RUNDC3B: variants seen among roughly 807,000 people sequenced by gnomAD.
RUNDC3B encodes RUN domain containing 3B.
RUNDC3B carries 33 observed loss-of-function variants against 58.4 expected under a neutral mutation model. The ratio of observed to expected loss-of-function variants is 0.56; its 90% confidence interval spans 0.43 to 0.75. RUNDC3B has a LOEUF of 0.75. Ranked by LOEUF, RUNDC3B falls within the 30% of genes least tolerant of loss-of-function variation. The pLI is 0.00. For missense variants in RUNDC3B, 501 were observed against 535.7 expected, an observed-to-expected ratio of 0.94 and a Z score of 0.64; for synonymous variants, 193 against 195.2, an observed-to-expected ratio of 0.99 and a Z score of 0.10.
intron 2 of RUNDC3B, among the ~76,000 whole-genome samples, chr7:87,694,357 C>T (rs1828301910): frequency 6.6e-6 from 1 of 152,062 alleles, no homozygotes; most frequent in Non-Finnish European, 1.5e-5. Context: ...TTCCTTTCTC[C>T]CAGGTAGAAT....
chr7:87,643,827 A>G (rs1191787102), intron 1 of RUNDC3B, among the ~76,000 whole-genome samples: 1 of 149,820 alleles, frequency 6.7e-6, no homozygotes, highest in Admixed American at 6.6e-5. Flanking sequence ...ACGCCCGGCC[A>G]AGAATTCGCA....
chr7:87,820,019 G>A (rs1837322273), intron 10 of RUNDC3B, among the ~76,000 whole-genome samples: 1 of 151,978 alleles, frequency 6.6e-6, no homozygotes, highest in African/African-American at 2.4e-5. Context: ...CTAGCAGAAG[G>A]TAAGAAATAA....
intron 2 of RUNDC3B, among the ~76,000 whole-genome samples, chr7:87,666,919 T>C (rs1452316908): frequency 1.3e-5 from 2 of 152,112 alleles, no homozygotes; most frequent in African/African-American, 4.8e-5. Flanking sequence ...AGTCAGGTAA[T>C]GTGATGCCTC....
intron 3 of RUNDC3B, among the ~76,000 whole-genome samples, chr7:87,702,074 C>G (rs1409997347): frequency 3.2e-5 from 4 of 123,286 alleles, no homozygotes; most frequent in African/African-American, 1.2e-4. Context: ...ACCCAGGAGG[C>G]GGAGCTTGCA....
intron 6 of RUNDC3B, among the ~76,000 whole-genome samples, chr7:87,769,126 A>G (rs531615471): frequency 8.0e-5 from 12 of 150,468 alleles, no homozygotes; most frequent in Admixed American, 3.3e-4. Flanking sequence ...TCAGCCTCCC[A>G]TGTAGCTGGG....
chr7:87,790,318 T>C (rs746768188), intron 8 of RUNDC3B, among the ~76,000 whole-genome samples: 4 of 152,186 alleles, frequency 2.6e-5, no homozygotes, highest in Non-Finnish European at 5.9e-5. Flanking sequence ...CACAGTGTTA[T>C]TGGGCTTGGG....
At chr7:87,803,090 G>A (rs1314463371) in intron 8 of RUNDC3B, among the ~76,000 whole-genome samples, 1 of 152,114 alleles carries the variant, frequency 6.6e-6, no homozygotes, top group African/African-American at 2.4e-5. Flanking sequence ...TTTATACATA[G>A]TTATGAATTA....
chr7:87,742,472 T>G (rs1479733161), intron 6 of RUNDC3B, among the ~76,000 whole-genome samples: 3 of 152,172 alleles, frequency 2.0e-5, no homozygotes, highest in Non-Finnish European at 4.4e-5. Context: ...TTTCCATTCC[T>G]GAGTTACTTC....
intron 8 of RUNDC3B, among the ~76,000 whole-genome samples, chr7:87,792,157 G>A (rs1056221628): frequency 6.6e-6 from 1 of 151,974 alleles, no homozygotes; most frequent in Non-Finnish European, 1.5e-5. Context: ...TTCAGTAGGG[G>A]GCTATAATAT....
chr7:87,829,561 A>G (rs896353184), intron 10 of RUNDC3B, among the ~76,000 whole-genome samples: 1 of 151,954 alleles, frequency 6.6e-6, no homozygotes, highest in African/African-American at 2.4e-5. Context: ...TTGTGTCTGT[A>G]TAACAGCACC....
chr7:87,777,178 A>C (rs1285345488), intron 7 of RUNDC3B, among the ~76,000 whole-genome samples: 1 of 152,174 alleles, frequency 6.6e-6, no homozygotes, highest in Non-Finnish European at 1.5e-5. Context: ...AATAGCTAGT[A>C]ATTATACATT....
At chr7:87,782,577 A>T (rs898466310) in intron 8 of RUNDC3B, among the ~76,000 whole-genome samples, 1 of 152,006 alleles carries the variant, frequency 6.6e-6, no homozygotes, top group Non-Finnish European at 1.5e-5. Context: ...TTGATTTAAG[A>T]TCTTTCTAAC....
intron 4 of RUNDC3B, among the ~76,000 whole-genome samples, chr7:87,717,611 A>G (rs1363006920): frequency 1.3e-5 from 2 of 152,060 alleles, no homozygotes; most frequent in Admixed American, 6.6e-5. Context: ...ACAGAAATAT[A>G]ATTTGCCCAA....
rs1837313946 is a variant in RUNDC3B at position 87,819,872 on chromosome 7, G to C, written c.1225+3610G>C. On this transcript the variant is annotated intron_variant, in intron 10 of 10. Transcript: ENST00000394654. ...AAGACCCAACATACCAGAATCTCTG[G>C]GACACATTCAAAGCAGTGTGTAGAG... Among the ~76,000 whole-genome samples the C allele has an allele frequency of 2.0e-5, 3 of 151,766 alleles. No homozygotes were observed. The South Asian group carries it at 6.3e-4, about 32-fold the overall frequency.
chr7:87,694,854 A>G (rs970162168), intron 2 of RUNDC3B, among the ~76,000 whole-genome samples: 5 of 152,116 alleles, frequency 3.3e-5, no homozygotes, highest in African/African-American at 4.8e-5. Flanking sequence ...TTTTTGCTGA[A>G]CCTGTTCATC....
chr7:87,742,674 A>C (rs768227687), intron 6 of RUNDC3B, among the ~76,000 whole-genome samples: 9 of 152,146 alleles, frequency 5.9e-5, no homozygotes, highest in Non-Finnish European at 1.0e-4. Context: ...ATAATTTATC[A>C]TGCATTCTTG....
chr7:87,639,768 T>A (rs1247652147), intron 1 of RUNDC3B, among the ~76,000 whole-genome samples: 2 of 152,078 alleles, frequency 1.3e-5, no homozygotes, highest in East Asian at 3.9e-4. Flanking sequence ...TTACTTTTGC[T>A]CTTTCTGGGC....
chr7:87,750,049 T>C (rs1191331916), intron 6 of RUNDC3B, among the ~76,000 whole-genome samples: 1 of 150,824 alleles, frequency 6.6e-6, no homozygotes, highest in African/African-American at 2.4e-5. Flanking sequence ...CCACAACAGG[T>C]CCCAGAGTGT....
At chr7:87,659,357 A>G (rs1186540232) in intron 2 of RUNDC3B, 4 of 278,176 alleles carry the variant, frequency 1.4e-5, no homozygotes, top group South Asian at 1.0e-4. Flanking sequence ...ATTTTTATTT[A>G]TATTGTTTTT....
Sources: allele counts gnomAD v4.1 joint callset (sites outside exome capture counted in the v4.1 genomes callset), GRCh38; gene constraint gnomAD v4.1.1; transcripts MANE v1.5; gene names NCBI Gene and HGNC (gene_info 2026-07-23, HGNC 2026-07-21).